GABRA3: variants seen among roughly 807,000 people sequenced by gnomAD.
GABRA3 encodes gamma-aminobutyric acid receptor subunit alpha-3.
GABRA3 carries 10 observed loss-of-function variants against 30.1 expected under a neutral mutation model. The observed-to-expected ratio is 0.33, with a 90% confidence interval of 0.20 to 0.56. GABRA3 has a LOEUF of 0.56. GABRA3 is among the 20% of genes least tolerant of loss of function. The pLI is 0.89. For synonymous variants in GABRA3, 151 were observed against 146.8 expected (o/e 1.03, Z -0.21); for missense variants, 233 against 392.0 (o/e 0.59, Z 3.42).
intron 3 of GABRA3, among the ~76,000 whole-genome samples, chrX:152,328,962 G>T (rs925577808): frequency 8.9e-6 from 1 of 111,947 alleles, no homozygotes; most frequent in Admixed American, 9.5e-5. Context: ...CATCGTCTCA[G>T]CCCAAAATCT....
At chrX:152,312,092 C>T (rs1163844493) in intron 3 of GABRA3, among the ~76,000 whole-genome samples, 1 of 111,882 alleles carries the variant, frequency 8.9e-6, no homozygotes, top group Non-Finnish European at 1.9e-5. Context: ...AAACTCTATG[C>T]TCATGGATAG....
chrX:152,285,094 T>A (rs1955811894), intron 3 of GABRA3, among the ~76,000 whole-genome samples: 1 of 111,780 alleles, frequency 8.9e-6, no homozygotes, highest in African/African-American at 3.2e-5. Flanking sequence ...GAACATAGGA[T>A]GATTGTTCTT....
chrX:152,206,135 G>A (rs542058168), intron 7 of GABRA3, among the ~76,000 whole-genome samples: 71 of 112,734 alleles, frequency 6.3e-4, no homozygotes, highest in African/African-American at 2.3e-3. Context: ...GGTGAGGGGA[G>A]TGAACAGATA....
intron 3 of GABRA3, among the ~76,000 whole-genome samples, chrX:152,299,837 T>C: frequency 8.9e-6 from 1 of 111,768 alleles, no homozygotes; most frequent in East Asian, 2.8e-4. Flanking sequence ...ATTTCCTGTA[T>C]GTTATTGTTT....
chrX:152,169,631 C>T lies in GABRA3; in HGVS notation c.1144-1068G>A, dbSNP rs1316431794. ...GCCAACCCCAGCCCCAGGCCAAATG[C>T]AGTGGCCTAGCTCATAGTCTATAGA... On this transcript the variant is annotated intron_variant, in intron 9 of 9. Coordinates refer to ENST00000370314, the MANE Select transcript of GABRA3 (RefSeq NM_000808.4). 3.6e-5 allele frequency among the ~76,000 whole-genome samples: 4 copies of T among 111,913 alleles called. No homozygotes were observed. The East Asian group carries it at 8.4e-4, about 24-fold the overall frequency.
chrX:152,199,142 A>G (rs184776203), intron 7 of GABRA3, among the ~76,000 whole-genome samples: 2,237 of 110,870 alleles, frequency 0.02, 28 homozygotes, highest in South Asian at 0.072. Flanking sequence ...CAAGGCGGGC[A>G]GATTACGAGG....
intron 3 of GABRA3, among the ~76,000 whole-genome samples, chrX:152,301,108 G>C (rs1372065593): frequency 9.0e-6 from 1 of 111,707 alleles, no homozygotes; most frequent in Non-Finnish European, 1.9e-5. Context: ...AGTAAAGAAA[G>C]ATCTTGAAAG....
At chrX:152,193,335 T>G (rs1937347162) in intron 8 of GABRA3, among the ~76,000 whole-genome samples, 1 of 111,909 alleles carries the variant, frequency 8.9e-6, no homozygotes, top group African/African-American at 3.2e-5. Flanking sequence ...TATTTTTAGG[T>G]TCATTCATGT....
intron 9 of GABRA3, among the ~76,000 whole-genome samples, chrX:152,172,570 A>T (rs141639963): frequency 0.038 from 4,219 of 111,750 alleles, 136 homozygotes; most frequent in African/African-American, 0.11. Context: ...AACAATAAAC[A>T]AAATGTGGTA....
chrX:152,227,482 T>C (rs888213552), intron 5 of GABRA3, among the ~76,000 whole-genome samples: 3 of 106,933 alleles, frequency 2.8e-5, no homozygotes, highest in Non-Finnish European at 3.9e-5. Context: ...TGTATACATA[T>C]GTGACTAACC....
chrX:152,227,448 G>A (rs1937982829), intron 5 of GABRA3, among the ~76,000 whole-genome samples: 1 of 103,779 alleles, frequency 9.6e-6, no homozygotes, highest in Admixed American at 1.1e-4. Context: ...CGAGTTAATG[G>A]GTGCAGCACA....
chrX:152,277,109 G>A (rs755897075), intron 4 of GABRA3, among the ~76,000 whole-genome samples: 1 of 111,444 alleles, frequency 9.0e-6, no homozygotes, highest in Non-Finnish European at 1.9e-5. Context: ...ATAGAAAAAG[G>A]TTTTCATCCA....
intron 5 of GABRA3, among the ~76,000 whole-genome samples, chrX:152,237,370 C>T (rs1304581889): frequency 9.4e-6 from 1 of 106,685 alleles, no homozygotes; most frequent in South Asian, 4.2e-4. Context: ...TGTTTTGGTA[C>T]CAGTACCATG....
intron 1 of GABRA3, among the ~76,000 whole-genome samples, chrX:152,404,776 T>G (rs1929887254): frequency 9.8e-6 from 1 of 101,649 alleles, no homozygotes; most frequent in Non-Finnish European, 2.0e-5. Context: ...TTATTATTAT[T>G]ATTATTGGTT....
chrX:152,432,031 T>C (rs1930660888), intron 1 of GABRA3, among the ~76,000 whole-genome samples: 1 of 111,902 alleles, frequency 8.9e-6, no homozygotes, highest in Non-Finnish European at 1.9e-5. Flanking sequence ...TACAACATGT[T>C]ATCTGGCTCA....
intron 2 of GABRA3, among the ~76,000 whole-genome samples, chrX:152,353,113 C>T (rs1226852555): frequency 9.1e-6 from 1 of 110,175 alleles, no homozygotes; most frequent in Non-Finnish European, 1.9e-5. Flanking sequence ...TAGAATACGC[C>T]AAATCCATCT....
chrX:152,330,960 T>A (rs1473739164), intron 3 of GABRA3, among the ~76,000 whole-genome samples: 1 of 111,376 alleles, frequency 9.0e-6, no homozygotes, highest in Non-Finnish European at 1.9e-5. Context: ...CCTAAACATT[T>A]GACAAAACAA....
Position 152,436,870 on chromosome X carries a change from A to T in GABRA3, c.-27+14276T>A, listed in dbSNP as rs185183829. ...CAAAAGGTACAAGTCATAATAGAAA[A>T]CCCATTAAGAAAATGAAAAGACAAG... On this transcript the variant is annotated intron_variant, in intron 1 of 9. Transcript: ENST00000370314. 2.7e-5 allele frequency among the ~76,000 whole-genome samples: 3 copies of T among 111,272 alleles called. No individual in the cohort carries two copies. In the East Asian group the frequency reaches 8.4e-4, roughly 31 times the overall value.
At chrX:152,239,335 T>C (rs1938303706) in intron 5 of GABRA3, among the ~76,000 whole-genome samples, 3 of 108,127 alleles carry the variant, frequency 2.8e-5, no homozygotes, top group African/African-American at 1.0e-4. Context: ...GAGTTCTAGT[T>C]TGATTGCACT....
Sources: allele counts gnomAD v4.1 joint callset (sites outside exome capture counted in the v4.1 genomes callset), GRCh38; gene constraint gnomAD v4.1.1; transcripts MANE v1.5; gene names NCBI Gene and HGNC (gene_info 2026-07-23, HGNC 2026-07-21).